Variants in CCDC158 observed in about 807,000 individuals in gnomAD.
CCDC158 encodes coiled-coil domain-containing protein 158.
A neutral mutation model predicts 138.6 loss-of-function variants in CCDC158; 116 were observed. That is an observed-to-expected ratio of 0.84 (90% CI 0.72 to 0.98). The LOEUF (loss-of-function observed/expected upper bound fraction) is 0.98. Among genes scored for constraint, CCDC158 ranks in the 50% least tolerant of loss-of-function variants. CCDC158 has a pLI of 0.00. For synonymous variants in CCDC158, 436 were observed against 442.4 expected (o/e 0.99, Z 0.18); for missense variants, 1,265 against 1,306.1 (o/e 0.97, Z 0.48).
chr4:76,415,505 G>A lies in CCDC158; in HGVS notation c.-116-3373C>T, dbSNP rs138180982. 2.0e-3 allele frequency among the ~76,000 whole-genome samples: 304 copies of A among 152,206 alleles called. 1 individual carries two copies. Among genetic ancestry groups the A allele is most frequent in the Non-Finnish European group, 3.0e-3 (206 of 68,024 alleles). On this transcript the variant is annotated intron_variant, in intron 1 of 24. Transcript: ENST00000682701. Reference sequence around the variant, plus strand: ...CCGAGGCAAGAGACCGAGGGCATGAGCTGTTCCAGTATAATAAAATATACA... The same window carrying A: ...CCGAGGCAAGAGACCGAGGGCATGAACTGTTCCAGTATAATAAAATATACA...
chr4:76,359,820 GC>G (rs1425517113), intron 13 of CCDC158, among the ~76,000 whole-genome samples: 3 of 152,234 alleles, frequency 2.0e-5, no homozygotes, highest in African/African-American at 7.2e-5. Flanking sequence ...TCCCAACCAT[GC>G]AGTTGAAAAG....
At chr4:76,313,678 A>C (rs1428898470) in intron 24 of CCDC158, among the ~76,000 whole-genome samples, 4 of 152,222 alleles carry the variant, frequency 2.6e-5, no homozygotes, top group Admixed American at 2.0e-4. Context: ...AGATAGATGA[A>C]GGTCAGTCTT....
At chr4:76,319,587 TAC>T (rs899102936) in intron 24 of CCDC158, among the ~76,000 whole-genome samples, 11 of 133,896 alleles carry the variant, frequency 8.2e-5, no homozygotes, top group Non-Finnish European at 1.6e-4. Context: ...AAAAAGATAA[TAC>T]ACCATGATCA....
chr4:76,371,078 A>C (rs1319362003), intron 10 of CCDC158, among the ~76,000 whole-genome samples: 2 of 152,148 alleles, frequency 1.3e-5, no homozygotes, highest in African/African-American at 2.4e-5. Context: ...CCAAATTTCT[A>C]TATACACAAT....
intron 13 of CCDC158, among the ~76,000 whole-genome samples, chr4:76,360,663 T>C (rs1724042649): frequency 6.6e-6 from 1 of 152,226 alleles, no homozygotes; most frequent in Admixed American, 6.5e-5. Flanking sequence ...TGTAGCCTCT[T>C]TGCTTTGGCC....
chr4:76,327,280 A>G (rs1457817505), intron 22 of CCDC158, among the ~76,000 whole-genome samples: 1 of 152,176 alleles, frequency 6.6e-6, no homozygotes, highest in Non-Finnish European at 1.5e-5. Flanking sequence ...CAAGCCAAAG[A>G]TTATTTAAAA....
At chr4:76,356,958 AT>A (rs1196395999) in intron 14 of CCDC158, among the ~76,000 whole-genome samples, 1 of 152,154 alleles carries the variant, frequency 6.6e-6, no homozygotes, top group Non-Finnish European at 1.5e-5. Context: ...ATTCCTTCCC[AT>A]TTTTATCACG....
In CCDC158 at chr4:76,335,240, A is replaced by G. The variant is rs189353825; in HGVS notation, c.2665-1073T>C. On this transcript the variant is annotated intron_variant, in intron 18 of 24. Coordinates refer to ENST00000682701, the MANE Select transcript of CCDC158 (RefSeq NM_001394954.1). ...CATTTGTCTCTAAAAAGATGATCCA[A>G]TTTTACGAAACACTGGTTTTGTTCT... is the stretch of plus-strand genomic sequence containing the variant. Among the ~76,000 whole-genome samples the G allele has an allele frequency of 5.9e-5, 9 of 152,308 alleles. No individual in the cohort carries two copies. The East Asian group carries it at 1.4e-3, about 23-fold the overall frequency.
intron 24 of CCDC158, among the ~76,000 whole-genome samples, chr4:76,321,492 T>C (rs1328364130): frequency 1.3e-5 from 2 of 151,280 alleles, no homozygotes; most frequent in African/African-American, 4.9e-5. Context: ...TGCAAAAATA[T>C]GGAACCAGCC....
At chr4:76,318,984 TG>T (rs1719677487) in intron 24 of CCDC158, among the ~76,000 whole-genome samples, 1 of 151,438 alleles carries the variant, frequency 6.6e-6, no homozygotes, top group African/African-American at 2.4e-5. Flanking sequence ...AAAAATTAGC[TG>T]GGAGTGGCCA....
chr4:76,399,488 T>C (rs1052221455), intron 3 of CCDC158, among the ~76,000 whole-genome samples: 7 of 152,076 alleles, frequency 4.6e-5, no homozygotes, highest in African/African-American at 1.7e-4. Flanking sequence ...AATTTAAAAA[T>C]AAATAAATAA....
intron 18 of CCDC158, among the ~76,000 whole-genome samples, chr4:76,342,623 C>G (rs1578914174): frequency 6.6e-6 from 1 of 152,084 alleles, no homozygotes; most frequent in East Asian, 1.9e-4. Context: ...TGCTTATAAA[C>G]TTGGCATTAA....
chr4:76,316,493 G>A (rs1719400449), intron 24 of CCDC158, among the ~76,000 whole-genome samples: 2 of 152,138 alleles, frequency 1.3e-5, no homozygotes, highest in Non-Finnish European at 2.9e-5. Context: ...AATAATTGGT[G>A]TTCATAAGGA....
intron 9 of CCDC158, among the ~76,000 whole-genome samples, chr4:76,376,960 T>C (rs1009052498): frequency 1.3e-5 from 2 of 152,242 alleles, no homozygotes; most frequent in Non-Finnish European, 2.9e-5. Context: ...AGAGAATGAT[T>C]CTAATATCAT....
intron 24 of CCDC158, among the ~76,000 whole-genome samples, chr4:76,319,271 TAA>T (rs199501375): frequency 1.5e-5 from 2 of 130,218 alleles, no homozygotes; most frequent in African/African-American, 5.7e-5. Flanking sequence ...GACTCCATCT[TAA>T]AAAAAAAAAA....
intron 2 of CCDC158, among the ~76,000 whole-genome samples, chr4:76,410,674 A>C (rs1729223154): frequency 6.6e-6 from 1 of 152,228 alleles, no homozygotes; most frequent in African/African-American, 2.4e-5. Context: ...TTCCTTGGGA[A>C]ATTCTGAGGT....
chr4:76,386,365 C>G (rs983843304), intron 4 of CCDC158, among the ~76,000 whole-genome samples: 1 of 78,602 alleles, frequency 1.3e-5, no homozygotes, highest in Non-Finnish European at 2.7e-5. Flanking sequence ...GAAATATCCT[C>G]TCCTTAGGGT....
intron 15 of CCDC158, among the ~76,000 whole-genome samples, chr4:76,354,709 C>A (rs572538996): frequency 2.6e-5 from 4 of 152,230 alleles, no homozygotes; most frequent in African/African-American, 9.6e-5. Flanking sequence ...CACCCACCTA[C>A]CGGCGACCTC....
chr4:76,314,915 A>C lies in CCDC158; in HGVS notation c.3278-1669T>G, dbSNP rs570058225. ...GTGGTGAATGGGAAATGCTACAGAA[A>C]GGAGCACAGAAGCCACTACTGACAG... On this transcript the variant is annotated intron_variant, in intron 24 of 24. Coordinates refer to ENST00000682701, the MANE Select transcript of CCDC158 (RefSeq NM_001394954.1). 2.6e-3 allele frequency among the ~76,000 whole-genome samples: 395 copies of C among 152,314 alleles called. 2 individuals are homozygous for C. Among genetic ancestry groups the C allele is most frequent in the Middle Eastern group, 0.017 (5 of 294 alleles).
Sources: gnomAD v4.1 joint callset for allele counts (sites outside exome capture counted in the v4.1 genomes callset) on GRCh38, gnomAD v4.1.1 for gene constraint, MANE v1.5 for transcripts, NCBI Gene and HGNC (gene_info 2026-07-23, HGNC 2026-07-21) for gene names.